The following SLC26A7 variants were observed in gnomAD, a reference collection of about 807,000 sequenced individuals.
The protein encoded by SLC26A7 is anion exchange transporter.
Under a neutral mutation model 82.5 loss-of-function variants are expected in SLC26A7, and 59 were observed. The observed-to-expected ratio is 0.72, with a 90% CI of 0.58 to 0.89. SLC26A7 has a LOEUF of 0.89. Ranked by LOEUF, SLC26A7 falls within the 40% of genes least tolerant of loss-of-function variation. The pLI, the probability that SLC26A7 is intolerant of heterozygous loss-of-function variation, is 0.00. For synonymous variants in SLC26A7, 271 were observed against 274.3 expected, an observed-to-expected ratio of 0.99 and a Z score of 0.12; for missense variants, 820 against 793.0, an observed-to-expected ratio of 1.03 and a Z score of -0.41.
chr8:91,334,305 A>T lies in SLC26A7; in HGVS notation c.653A>T (p.Tyr218Phe). 1 of 1,609,960 alleles carries T rather than the reference A, an allele frequency of 6.2e-7. No individual in the cohort carries two copies. Among genetic ancestry groups the T allele is most frequent in the Non-Finnish European group, 8.5e-7 (1 of 1,178,240 alleles). ...TTCTCATTACTGTAGATTTATGCATATGTTTTTGAAAACATCAAGTCTGTG... is the reference window on the plus strand; with the variant it reads ...TTCTCATTACTGTAGATTTATGCATTTGTTTTTGAAAACATCAAGTCTGTG... ...GPLGFFYIYAYVFENIKSVRL... is the reference protein window; with the variant it reads ...GPLGFFYIYAFVFENIKSVRL... Residue 218 changes from tyrosine (Y) to phenylalanine (F), a missense_variant, in exon 6 of 19, where the codon TAT (tyrosine) becomes TTT (phenylalanine). Transcript: ENST00000276609.
At chr8:91,380,548 T>C (rs1420992192) in intron 15 of SLC26A7, among the ~76,000 whole-genome samples, 1 of 152,162 alleles carries the variant, frequency 6.6e-6, no homozygotes, top group Non-Finnish European at 1.5e-5. Flanking sequence ...TTTTCTTACA[T>C]TTATTCCCAT....
intron 5 of SLC26A7, among the ~76,000 whole-genome samples, chr8:91,326,805 A>C (rs941984897): frequency 1.3e-5 from 2 of 152,140 alleles, no homozygotes; most frequent in African/African-American, 4.8e-5. Flanking sequence ...CTTCTGGTCC[A>C]TGCTCCCTCT....
chr8:91,310,914 A>C (rs182043683), intron 4 of SLC26A7, among the ~76,000 whole-genome samples: 1 of 152,016 alleles, frequency 6.6e-6, no homozygotes, highest in Admixed American at 6.5e-5. Context: ...AGTGCACTTT[A>C]CTTTTTTTTT....
chr8:91,366,910 A>C (rs1382528625), intron 14 of SLC26A7, among the ~76,000 whole-genome samples, 193 bp downstream of exon 14: 1 of 152,172 alleles, frequency 6.6e-6, no homozygotes, highest in Non-Finnish European at 1.5e-5. Context: ...TCATTTATTC[A>C]GTATATATTT....
At chr8:91,392,713 A>G (rs1808437322) in intron 16 of SLC26A7, among the ~76,000 whole-genome samples, 1 of 152,188 alleles carries the variant, frequency 6.6e-6, no homozygotes, top group Non-Finnish European at 1.5e-5. Flanking sequence ...GGTTGAAGGA[A>G]GTAGGCTGAC....
chr8:91,304,728 T>C (rs1462488007), intron 4 of SLC26A7, among the ~76,000 whole-genome samples: 1 of 152,208 alleles, frequency 6.6e-6, no homozygotes, highest in Non-Finnish European at 1.5e-5. Context: ...ACTTAATCCA[T>C]CTACTTCTAG....
At chr8:91,265,619 T>C (rs998408960) in intron 2 of SLC26A7, among the ~76,000 whole-genome samples, 3 of 152,102 alleles carry the variant, frequency 2.0e-5, no homozygotes, top group Non-Finnish European at 2.9e-5. Flanking sequence ...ATTGTGGTTT[T>C]GATTTACATT....
rs138104498 is a variant in SLC26A7, at chr8:91,252,986, A to T, written c.193+3142A>T. On this transcript the variant is annotated intron_variant, in intron 2 of 18. Coordinates refer to ENST00000276609, the MANE Select transcript of SLC26A7 (RefSeq NM_052832.4). ...GTGACCTTGGAGATCCACATATTTA[A>T]ATATGCTAACCTAGAATGTTCTAAA... Among the ~76,000 whole-genome samples, 757 of 152,232 alleles carry T rather than the reference A, an allele frequency of 5.0e-3. 4 individuals carry two copies. The highest frequency in any genetic ancestry group is 7.8e-3 in the Non-Finnish European group (529 of 68,008).
chr8:91,300,442 G>GA (rs1812132216), intron 4 of SLC26A7, among the ~76,000 whole-genome samples: 2 of 150,708 alleles, frequency 1.3e-5, no homozygotes, highest in Non-Finnish European at 2.9e-5. Context: ...CTGTCACCCA[G>GA]GCTGGAGTGC....
At chr8:91,248,272 G>T (rs576869665), upstream of SLC26A7, among the ~76,000 whole-genome samples, 11 of 152,018 alleles carry the variant, frequency 7.2e-5, no homozygotes, top group African/African-American at 2.7e-4. Flanking sequence ...AAAAAGAAAG[G>T]TATTTTTGCA....
At chr8:91,244,353 C>T (rs551890828), upstream of SLC26A7, among the ~76,000 whole-genome samples, 2 of 150,822 alleles carry the variant, frequency 1.3e-5, no homozygotes, top group South Asian at 2.1e-4. Context: ...CCTTTTTCTT[C>T]TTTCTCATTT....
intron 4 of SLC26A7, among the ~76,000 whole-genome samples, chr8:91,300,212 T>G (rs1301223500): frequency 1.3e-5 from 2 of 152,180 alleles, no homozygotes; most frequent in Non-Finnish European, 2.9e-5. Flanking sequence ...TTTGTCAAGT[T>G]TATTCCCAAG....
At chr8:91,387,605 G>A (rs989009262) in intron 15 of SLC26A7, among the ~76,000 whole-genome samples, 4 of 148,132 alleles carry the variant, frequency 2.7e-5, no homozygotes, top group Non-Finnish European at 5.9e-5. Context: ...ATGCATACAC[G>A]TCTACATTAC....
chr8:91,304,344 T>C (rs1812245520), intron 4 of SLC26A7, among the ~76,000 whole-genome samples: 3 of 152,164 alleles, frequency 2.0e-5, no homozygotes, highest in Admixed American at 6.5e-5. Context: ...GTTCCTGTGA[T>C]AGTGAGTTCC....
At chr8:91,306,297 T>G (rs886679304) in intron 4 of SLC26A7, among the ~76,000 whole-genome samples, 3 of 152,226 alleles carry the variant, frequency 2.0e-5, no homozygotes, top group African/African-American at 4.8e-5. Context: ...CTCTTTTGTA[T>G]GCGTGGTTTA....
intron 10 of SLC26A7, 97 bp from the exon 11 acceptor site, chr8:91,352,804 G>A: frequency 2.2e-6 from 2 of 907,452 alleles, no homozygotes; most frequent in East Asian, 5.4e-5. Flanking sequence ...TCTCTATTAA[G>A]TACTTTAAAA....
intron 4 of SLC26A7, among the ~76,000 whole-genome samples, chr8:91,303,571 A>G (rs1812224852): frequency 6.6e-6 from 1 of 152,222 alleles, no homozygotes; most frequent in African/African-American, 2.4e-5. Flanking sequence ...TGTCATAAAT[A>G]TATATTCAAC....
chr8:91,302,168 T>A (rs900376908), intron 4 of SLC26A7, among the ~76,000 whole-genome samples: 4 of 152,118 alleles, frequency 2.6e-5, no homozygotes, highest in African/African-American at 9.6e-5. Context: ...AGAAAAAATA[T>A]ATAGCCTTGA....
chr8:91,233,151 C>T (rs938707163), intron 2 of SLC26A7, among the ~76,000 whole-genome samples: 2 of 152,186 alleles, frequency 1.3e-5, no homozygotes, highest in African/African-American at 4.8e-5. Flanking sequence ...TAATTTATTT[C>T]AGCCTAGTTA....
Sources: gnomAD v4.1 joint callset for allele counts (sites outside exome capture counted in the v4.1 genomes callset) on GRCh38, gnomAD v4.1.1 for gene constraint, MANE v1.5 for transcripts, NCBI Gene and HGNC (gene_info 2026-07-23, HGNC 2026-07-21) for gene names.